Variants in FOXP2 observed in about 807,000 individuals in gnomAD.
FOXP2 encodes forkhead box P2, also known as forkhead box protein P2.
FOXP2 carries 12 observed loss-of-function variants against 115.8 expected under a neutral mutation model. That is an observed-to-expected ratio of 0.10 (90% CI 0.07 to 0.17). The LOEUF (loss-of-function observed/expected upper bound fraction) is 0.17. Among genes scored for constraint, FOXP2 ranks in the 10% least tolerant of loss-of-function variants. The pLI, the probability that FOXP2 is intolerant of heterozygous loss-of-function variation, is 1.00. For missense variants in FOXP2, 629 were observed against 843.5 expected (o/e 0.75, Z 3.15); for synonymous variants, 328 against 297.7 (o/e 1.10, Z -1.05).
chr7:114,634,013 T>C (rs1250368924), intron 6 of FOXP2, among the ~76,000 whole-genome samples: 1 of 152,058 alleles, frequency 6.6e-6, no homozygotes, highest in Non-Finnish European at 1.5e-5. Context: ...TTCTTTTTTT[T>C]TTGAGGAGTC....
intron 2 of FOXP2, among the ~76,000 whole-genome samples, chr7:114,380,818 G>A (rs1043935814): frequency 2.0e-5 from 3 of 152,186 alleles, no homozygotes; most frequent in Non-Finnish European, 4.4e-5. Context: ...ACCAGTACCT[G>A]TAAACAATGA....
intron 16 of FOXP2, among the ~76,000 whole-genome samples, chr7:114,671,237 G>C (rs1238498793): frequency 6.6e-6 from 1 of 151,678 alleles, no homozygotes; most frequent in Non-Finnish European, 1.5e-5. Flanking sequence ...AGTAGCTGCT[G>C]TTCTTTTTTA....
intron 2 of FOXP2, among the ~76,000 whole-genome samples, chr7:114,356,794 T>C (rs1791627938): frequency 1.3e-5 from 2 of 152,182 alleles, no homozygotes; most frequent in Admixed American, 1.3e-4. Context: ...CTGGCTTTTG[T>C]AGATGTAGAT....
intron 2 of FOXP2, among the ~76,000 whole-genome samples, chr7:114,439,111 A>C (rs1794484131): frequency 6.6e-6 from 1 of 152,186 alleles, no homozygotes; most frequent in South Asian, 2.1e-4. Context: ...TATAAATTGG[A>C]GATCCATTCT....
chr7:114,609,303 A>G (rs1364150373), intron 3 of FOXP2, among the ~76,000 whole-genome samples: 1 of 152,140 alleles, frequency 6.6e-6, no homozygotes, highest in Non-Finnish European at 1.5e-5. Flanking sequence ...GAACTGTGCA[A>G]GTTAAAATTG....
intron 8 of FOXP2, among the ~76,000 whole-genome samples, chr7:114,648,347 C>A (rs556544825): frequency 6.6e-6 from 1 of 152,130 alleles, no homozygotes; most frequent in South Asian, 2.1e-4. Flanking sequence ...TATTTAAACT[C>A]CTGTCAGTGT....
intron 1 of FOXP2, among the ~76,000 whole-genome samples, chr7:114,096,188 CG>C (rs1393273213): frequency 6.6e-6 from 1 of 152,034 alleles, no homozygotes; most frequent in East Asian, 1.9e-4. Flanking sequence ...CAAGGAAAGC[CG>C]GGGATAATAA....
At chr7:114,451,281 C>T (rs995280315) in intron 2 of FOXP2, among the ~76,000 whole-genome samples, 1 of 151,896 alleles carries the variant, frequency 6.6e-6, no homozygotes, top group Non-Finnish European at 1.5e-5. Context: ...TCTAGAAAGG[C>T]GGTAGGATAG....
At chr7:114,547,240 T>C (rs1799970210) in intron 3 of FOXP2, among the ~76,000 whole-genome samples, 1 of 152,230 alleles carries the variant, frequency 6.6e-6, no homozygotes, top group Non-Finnish European at 1.5e-5. Flanking sequence ...GATTCTTTTT[T>C]ATCTTTATCT....
At chr7:114,618,314 T>C (rs1484683563) in intron 3 of FOXP2, among the ~76,000 whole-genome samples, 1 of 152,152 alleles carries the variant, frequency 6.6e-6, no homozygotes, top group Non-Finnish European at 1.5e-5. Flanking sequence ...AAACCCTAGA[T>C]ATAAAATTAA....
intron 3 of FOXP2, among the ~76,000 whole-genome samples, chr7:114,588,746 T>G (rs1274540152): frequency 6.6e-6 from 1 of 152,200 alleles, no homozygotes; most frequent in African/African-American, 2.4e-5. Flanking sequence ...ACAGGACATT[T>G]TGGCTGTCTC....
chr7:114,301,961 A>G (rs975567960), intron 2 of FOXP2, among the ~76,000 whole-genome samples: 23 of 152,310 alleles, frequency 1.5e-4, no homozygotes, highest in Non-Finnish European at 2.9e-4. Flanking sequence ...CTATATGACA[A>G]CATTTGACAA....
At chr7:114,315,244 G>T (rs1242451757) in intron 2 of FOXP2, among the ~76,000 whole-genome samples, 2 of 152,080 alleles carry the variant, frequency 1.3e-5, no homozygotes, top group Admixed American at 1.3e-4. Context: ...ACAAGAAAAT[G>T]ATTTAGGCAT....
intron 2 of FOXP2, among the ~76,000 whole-genome samples, chr7:114,486,358 C>G (rs1481586211): frequency 6.6e-6 from 1 of 151,998 alleles, no homozygotes; most frequent in Non-Finnish European, 1.5e-5. Flanking sequence ...GGGAAAAACC[C>G]ACCCCCATGA....
chr7:114,237,941 C>G (rs1480787596), intron 1 of FOXP2, among the ~76,000 whole-genome samples: 2 of 152,266 alleles, frequency 1.3e-5, no homozygotes, highest in East Asian at 3.9e-4. Flanking sequence ...TGTCACTGCA[C>G]TTCAGCCTGG....
intron 2 of FOXP2, among the ~76,000 whole-genome samples, chr7:114,348,455 T>C (rs1284941162): frequency 6.6e-6 from 1 of 152,084 alleles, no homozygotes; most frequent in African/African-American, 2.4e-5. Context: ...CATAGATTTT[T>C]AGTCATATTT....
At chr7:114,280,336 T>C (rs1796300767) in intron 1 of FOXP2, among the ~76,000 whole-genome samples, 1 of 152,080 alleles carries the variant, frequency 6.6e-6, no homozygotes, top group Admixed American at 6.6e-5. Context: ...CTTTTCCTCT[T>C]TCCAATTTTT....
rs140230029 is a variant in FOXP2, at chr7:114,484,765, A to C, written c.169-49852A>C. Among the ~76,000 whole-genome samples, 891 of 152,066 alleles carry C rather than the reference A, an allele frequency of 5.9e-3. 7 individuals are homozygous for C. The highest frequency in any genetic ancestry group is 0.02 in the African/African-American group (827 of 41,560). On this transcript the variant is annotated intron_variant, in intron 2 of 16. Transcript: ENST00000350908. ...GATAAGAATATTTTGTGCCTTTAAA[A>C]TGTACGTTTTAGATATCACAAGTTG...
At chr7:114,438,524 A>G (rs1007795773) in intron 2 of FOXP2, among the ~76,000 whole-genome samples, 2 of 151,676 alleles carry the variant, frequency 1.3e-5, no homozygotes, top group Admixed American at 6.6e-5. Flanking sequence ...TATAAATAAA[A>G]TAACAATAAA....
Sources: gnomAD v4.1 joint callset for allele counts (sites outside exome capture counted in the v4.1 genomes callset) on GRCh38, gnomAD v4.1.1 for gene constraint, MANE v1.5 for transcripts, NCBI Gene and HGNC (gene_info 2026-07-23, HGNC 2026-07-21) for gene names.